FILIP1L: variants seen among roughly 807,000 people sequenced by gnomAD.
FILIP1L encodes filamin A-interacting protein 1-like.
In FILIP1L, 55 loss-of-function variants were observed where a neutral mutation model predicts 96.6. The ratio of observed to expected loss-of-function variants is 0.57; its 90% CI spans 0.46 to 0.71. The LOEUF is 0.71. FILIP1L is among the 30% of genes least tolerant of loss of function. The pLI, the probability that FILIP1L is intolerant of heterozygous loss-of-function variation, is 0.00. For synonymous variants in FILIP1L, 467 were observed against 473.9 expected (o/e 0.99, Z 0.19); for missense variants, 1,304 against 1,321.2 (o/e 0.99, Z 0.20).
intron 4 of FILIP1L, among the ~76,000 whole-genome samples, chr3:99,903,800 T>C (rs748234013): frequency 8.5e-5 from 13 of 152,154 alleles, no homozygotes; most frequent in Non-Finnish European, 1.6e-4. Context: ...CTAAGATGCT[T>C]CATATAGAAA....
intron 1 of FILIP1L, among the ~76,000 whole-genome samples, chr3:100,060,684 A>G (rs1024689062): frequency 6.6e-6 from 1 of 151,952 alleles, no homozygotes; most frequent in African/African-American, 2.4e-5. Context: ...GTGAAACCCC[A>G]TCTCCACAAA....
At position 99,839,463 on chromosome 3, in the gene FILIP1L, G is replaced by A. The variant is rs562405094; in HGVS notation, c.3381+8832C>T. ...ATAAGCTAATAATACACAGGGAATTGCAGCTTCTCAGAGAGGACCTTTTAG... is the reference window on the plus strand; with the variant it reads ...ATAAGCTAATAATACACAGGGAATTACAGCTTCTCAGAGAGGACCTTTTAG... On this transcript the variant is annotated intron_variant, in intron 5 of 5. Transcript: ENST00000477258. Among the ~76,000 whole-genome samples the A allele has an allele frequency of 3.3e-5, 5 of 152,296 alleles. No individual in the cohort carries two copies. The South Asian group carries it at 1.0e-3, about 32-fold the overall frequency.
At chr3:99,910,631 C>T (rs940238925) in intron 4 of FILIP1L, among the ~76,000 whole-genome samples, 12 of 136,284 alleles carry the variant, frequency 8.8e-5, no homozygotes, top group Admixed American at 2.3e-4. Context: ...AAAAGTAATA[C>T]GCTATAATTC....
chr3:100,044,706 A>G (rs1430198420), intron 1 of FILIP1L, among the ~76,000 whole-genome samples: 2 of 152,174 alleles, frequency 1.3e-5, no homozygotes, highest in African/African-American at 2.4e-5. Context: ...TGAGGTAAAA[A>G]CTTGATTTGT....
At chr3:100,006,205 A>G (rs1400516326) in intron 1 of FILIP1L, among the ~76,000 whole-genome samples, 1 of 152,134 alleles carries the variant, frequency 6.6e-6, no homozygotes, top group East Asian at 1.9e-4. Flanking sequence ...CCCCATTAAG[A>G]TAACCTCAGA....
chr3:100,033,584 C>G (rs2065056660), intron 1 of FILIP1L, among the ~76,000 whole-genome samples: 1 of 152,198 alleles, frequency 6.6e-6, no homozygotes, highest in Non-Finnish European at 1.5e-5. Context: ...CTCAACTGCA[C>G]TCTTAAATTC....
intron 1 of FILIP1L, among the ~76,000 whole-genome samples, chr3:100,066,519 T>C (rs2065667051): frequency 6.9e-5 from 1 of 14,510 alleles, no homozygotes; most frequent in African/African-American, 2.0e-4. Flanking sequence ...CTTTGCTTCT[T>C]TTTTTTTTTT....
intron 1 of FILIP1L, among the ~76,000 whole-genome samples, chr3:99,971,068 T>A (rs1452463966): frequency 2.0e-5 from 3 of 152,200 alleles, no homozygotes; most frequent in East Asian, 3.9e-4. Context: ...CTGGGCGTGG[T>A]GGCTCACGCC....
intron 1 of FILIP1L, among the ~76,000 whole-genome samples, chr3:100,037,443 A>G (rs1326248533): frequency 6.6e-6 from 1 of 152,130 alleles, no homozygotes; most frequent in African/African-American, 2.4e-5. Flanking sequence ...ATTAAAACAA[A>G]GCAAACAGAC....
chr3:99,925,913 G>A (rs1376153278), intron 3 of FILIP1L: 1 of 984,188 alleles, frequency 1.0e-6, no homozygotes, highest in Non-Finnish European at 1.2e-6. Flanking sequence ...GGGGTAAGCT[G>A]CCACCAGAAA....
At chr3:99,922,641 T>A (rs1013673745) in intron 4 of FILIP1L, among the ~76,000 whole-genome samples, 1 of 152,230 alleles carries the variant, frequency 6.6e-6, no homozygotes, top group Non-Finnish European at 1.5e-5. Flanking sequence ...AATAAGCCAT[T>A]TGAGATTGGT....
rs1370985161 is a variant in FILIP1L, at chr3:99,954,825, C to CA, written c.-10-23796dup. ...TGAGCCACAGAGCAAGACTCTGTCT[C>CA]AAAAAAAAAGAAAAAAAAAAGTCAC... On this transcript the variant is annotated intron_variant, in intron 1 of 5. Coordinates refer to ENST00000477258, the MANE Select transcript of FILIP1L (RefSeq NM_001387850.1). 7.8e-4 allele frequency among the ~76,000 whole-genome samples: 108 copies of CA among 137,862 alleles called. 1 individual carries two copies. Among genetic ancestry groups the CA allele is most frequent in the Admixed American group, 2.9e-3 (40 of 13,614 alleles). 90.4% of individuals were successfully genotyped at this position (137,862 alleles called of 152,430 possible). A position where few individuals can be genotyped will look rare whatever the true frequency, so the allele number is the denominator to read the frequency against.
intron 5 of FILIP1L, among the ~76,000 whole-genome samples, chr3:99,832,697 C>T (rs1231750492): frequency 4.3e-5 from 6 of 140,472 alleles, no homozygotes; most frequent in Non-Finnish European, 7.7e-5. Context: ...ACAAAACAGC[C>T]GGGCGTCGTG....
At chr3:99,991,923 T>G (rs1446404770) in intron 1 of FILIP1L, among the ~76,000 whole-genome samples, 1 of 149,544 alleles carries the variant, frequency 6.7e-6, no homozygotes, top group Non-Finnish European at 1.5e-5. Context: ...TAGGTATATA[T>G]ACACACATAT....
At chr3:99,988,527 AAAAG>A (rs1553703280) in intron 1 of FILIP1L, among the ~76,000 whole-genome samples, 1 of 130,214 alleles carries the variant, frequency 7.7e-6, no homozygotes, top group Non-Finnish European at 1.6e-5. Flanking sequence ...AAAAAAAAAA[AAAAG>A]AAAGAAAAGG....
chr3:100,043,301 C>T (rs1192553757), intron 1 of FILIP1L, among the ~76,000 whole-genome samples: 1 of 152,184 alleles, frequency 6.6e-6, no homozygotes, highest in Non-Finnish European at 1.5e-5. Flanking sequence ...TTTTATTCCC[C>T]TTTGAAAGAT....
At chr3:99,862,514 C>A (rs1944313361) in intron 4 of FILIP1L, among the ~76,000 whole-genome samples, 1 of 152,098 alleles carries the variant, frequency 6.6e-6, no homozygotes, top group South Asian at 2.1e-4. Context: ...TTGGTTAATT[C>A]TTTGTTGTAG....
At position 99,976,230 on chromosome 3, in the gene FILIP1L, A is replaced by G. The variant is rs187953942; in HGVS notation, c.-10-45200T>C. On this transcript the variant is annotated intron_variant, in intron 1 of 5. Coordinates refer to ENST00000477258, the MANE Select transcript of FILIP1L (RefSeq NM_001387850.1). ...AGAAGGTGGAACATAGTAAGTCCAT[A>G]TAGTGTATGCTGCTATTAGTCTACT... 4.3e-3 allele frequency among the ~76,000 whole-genome samples: 648 copies of G among 152,274 alleles called. 2 individuals carry two copies. Among genetic ancestry groups the G allele is most frequent in the Non-Finnish European group, 7.4e-3 (505 of 68,022 alleles).
intron 4 of FILIP1L, among the ~76,000 whole-genome samples, chr3:99,883,142 T>G (rs899292450): frequency 6.6e-6 from 1 of 152,204 alleles, no homozygotes; most frequent in African/African-American, 2.4e-5. Flanking sequence ...CTCTCAAAAC[T>G]TCAGTGTTTT....
Sources: allele counts gnomAD v4.1 joint callset (sites outside exome capture counted in the v4.1 genomes callset), GRCh38; gene constraint gnomAD v4.1.1; transcripts MANE v1.5; gene names NCBI Gene and HGNC (gene_info 2026-07-23, HGNC 2026-07-21).